TMC1: variants seen among roughly 807,000 people sequenced by gnomAD.
The protein encoded by TMC1 is transmembrane channel-like protein 1.
Under a neutral mutation model 105.8 loss-of-function variants are expected in TMC1, and 84 were observed. The ratio of observed to expected loss-of-function variants is 0.79; its 90% confidence interval spans 0.67 to 0.95. The LOEUF (loss-of-function observed/expected upper bound fraction) is 0.95. Among genes scored for constraint, TMC1 ranks in the 40% least tolerant of loss-of-function variants. The pLI is 0.00. For synonymous variants in TMC1, 315 were observed against 311.5 expected (o/e 1.01, Z -0.12); for missense variants, 817 against 914.1 (o/e 0.89, Z 1.37).
intron 2 of TMC1, among the ~76,000 whole-genome samples, chr9:72,584,737 G>A (rs934203100): frequency 2.0e-5 from 3 of 149,928 alleles, no homozygotes; most frequent in African/African-American, 4.9e-5. Context: ...GATCCTTCTC[G>A]AATGCCTTAC....
intron 1 of TMC1, among the ~76,000 whole-genome samples, chr9:72,560,826 C>CACT (rs1189495590): frequency 6.5e-5 from 2 of 30,866 alleles, no homozygotes; most frequent in Non-Finnish European, 5.5e-5. Flanking sequence ...TTGCAAGTTT[C>CACT]ACATTTCCTC....
At position 72,795,471 on chromosome 9, in the gene TMC1, A is replaced by G. The variant is rs558759425; in HGVS notation, c.1566+3119A>G. 2.0e-5 allele frequency among the ~76,000 whole-genome samples: 3 copies of G among 152,330 alleles called. No individual in the cohort carries two copies. The East Asian group carries it at 5.8e-4, about 29-fold the overall frequency. Reference sequence around the variant, plus strand: ...TCTCAGCTGAAACCCTACAAGCCAGAAGCAGTCAGGGTCCTATATTCAACA... The same window carrying G: ...TCTCAGCTGAAACCCTACAAGCCAGGAGCAGTCAGGGTCCTATATTCAACA... On this transcript the variant is annotated intron_variant, in intron 17 of 23. Coordinates refer to ENST00000297784, the MANE Select transcript of TMC1 (RefSeq NM_138691.3).
chr9:72,566,683 G>A (rs370905436), intron 1 of TMC1, among the ~76,000 whole-genome samples: 3 of 152,160 alleles, frequency 2.0e-5, no homozygotes, highest in Non-Finnish European at 2.9e-5. Flanking sequence ...CTCAGACTCC[G>A]ATAAAAAAGC....
chr9:72,793,315 C>G (rs1017679802), intron 17 of TMC1, among the ~76,000 whole-genome samples: 15 of 152,302 alleles, frequency 9.8e-5, no homozygotes, highest in Admixed American at 7.8e-4. Flanking sequence ...ATGAAACCCA[C>G]TGGCTTGGAA....
chr9:72,702,187 G>T (rs565534200), intron 8 of TMC1, among the ~76,000 whole-genome samples: 26 of 152,176 alleles, frequency 1.7e-4, no homozygotes, highest in African/African-American at 6.3e-4. Flanking sequence ...ACTATATATA[G>T]AAAGTTTAAA....
At chr9:72,714,377 T>A (rs929727462) in intron 8 of TMC1, among the ~76,000 whole-genome samples, 1 of 152,096 alleles carries the variant, frequency 6.6e-6, no homozygotes, top group African/African-American at 2.4e-5. Context: ...TAAAGTCTCA[T>A]GCTATTATTG....
At chr9:72,798,402 G>C (rs1310103464) in intron 17 of TMC1, among the ~76,000 whole-genome samples, 1 of 151,842 alleles carries the variant, frequency 6.6e-6, no homozygotes, top group Non-Finnish European at 1.5e-5. Context: ...AAAGACACAG[G>C]CATGTGAATG....
intron 18 of TMC1, among the ~76,000 whole-genome samples, chr9:72,811,015 T>G (rs1174749736): frequency 6.6e-6 from 1 of 152,164 alleles, no homozygotes; most frequent in African/African-American, 2.4e-5. Context: ...CAGCATTAGA[T>G]TCAGAGATCT....
intron 3 of TMC1, among the ~76,000 whole-genome samples, chr9:72,618,020 A>ATTT (rs1407164026): frequency 8.7e-6 from 1 of 114,686 alleles, no homozygotes; most frequent in African/African-American, 3.5e-5. Flanking sequence ...CTCTGGGTAC[A>ATTT]TCTTTTTTTT....
intron 19 of TMC1, among the ~76,000 whole-genome samples, chr9:72,819,001 C>A (rs1019140749): frequency 6.6e-6 from 1 of 152,130 alleles, no homozygotes; most frequent in African/African-American, 2.4e-5. Context: ...TTAGGCAAGT[C>A]TCGATTTTGA....
At chr9:72,744,328 T>G (rs1486793794) in intron 10 of TMC1, among the ~76,000 whole-genome samples, 1 of 152,234 alleles carries the variant, frequency 6.6e-6, no homozygotes, top group Admixed American at 6.5e-5. Context: ...TTTTGTTCAC[T>G]CCTGCATTCC....
At chr9:72,567,574 A>G (rs1824185709) in intron 1 of TMC1, among the ~76,000 whole-genome samples, 1 of 152,208 alleles carries the variant, frequency 6.6e-6, no homozygotes, top group South Asian at 2.1e-4. Flanking sequence ...AAGTGCAAGT[A>G]GGAGAAATGC....
At chr9:72,670,411 C>T (rs1429250729) in intron 5 of TMC1, among the ~76,000 whole-genome samples, 1 of 152,066 alleles carries the variant, frequency 6.6e-6, no homozygotes, top group Non-Finnish European at 1.5e-5. Flanking sequence ...AAACTGTTTC[C>T]AGGTAACTTA....
Position 72,666,058 on chromosome 9 carries a change from G to A in TMC1, c.16+17394G>A, listed in dbSNP as rs80008954. 2.4e-3 allele frequency among the ~76,000 whole-genome samples: 365 copies of A among 152,312 alleles called. 3 individuals are homozygous for A. The highest frequency in any genetic ancestry group is 8.4e-3 in the African/African-American group (348 of 41,566). On this transcript the variant is annotated intron_variant, in intron 5 of 23. Transcript: ENST00000297784. ...TACCAGACTACATAAATGTTTTAGT[G>A]AGAAGGCAGCAAATTAAAATATCAG...
intron 1 of TMC1, among the ~76,000 whole-genome samples, chr9:72,545,330 T>TTA (rs59435280): frequency 0.29 from 43,796 of 150,768 alleles, 6,960 homozygotes; most frequent in African/African-American, 0.4. Context: ...ATGTTTTTTT[T>TTA]AAAAAAAAAC....
At chr9:72,752,638 G>C (rs1827599482) in intron 11 of TMC1, among the ~76,000 whole-genome samples, 1 of 152,164 alleles carries the variant, frequency 6.6e-6, no homozygotes, top group South Asian at 2.1e-4. Flanking sequence ...TCACTCATAT[G>C]AAGTTAAATG....
intron 1 of TMC1, among the ~76,000 whole-genome samples, chr9:72,558,142 T>TTCTC (rs900878535): frequency 5.3e-5 from 8 of 150,834 alleles, no homozygotes; most frequent in African/African-American, 1.9e-4. Flanking sequence ...TGGTGAACAT[T>TTCTC]TCTCTCTCTC....
At chr9:72,537,082 G>T (rs574805029) in intron 1 of TMC1, among the ~76,000 whole-genome samples, 1 of 152,232 alleles carries the variant, frequency 6.6e-6, no homozygotes. Context: ...CACCTAAGCA[G>T]TGGCTCAAAC....
intron 8 of TMC1, among the ~76,000 whole-genome samples, chr9:72,738,984 A>AT (rs1040243384): frequency 6.6e-6 from 1 of 151,496 alleles, no homozygotes; most frequent in Non-Finnish European, 1.5e-5. Flanking sequence ...TTTTTTGTAA[A>AT]TTTTTTTTTG....
Sources: gnomAD v4.1 joint callset for allele counts (sites outside exome capture counted in the v4.1 genomes callset) on GRCh38, gnomAD v4.1.1 for gene constraint, MANE v1.5 for transcripts, NCBI Gene and HGNC (gene_info 2026-07-23, HGNC 2026-07-21) for gene names.